ILKAP: variants seen among roughly 807,000 people sequenced by gnomAD.
ILKAP encodes the protein integrin-linked kinase-associated serine/threonine phosphatase 2C.
Under a neutral mutation model 49.1 loss-of-function variants are expected in ILKAP, and 11 were observed. That is an observed-to-expected ratio of 0.22 (90% CI 0.14 to 0.37). The LOEUF (loss-of-function observed/expected upper bound fraction) is 0.37. ILKAP is among the 10% of genes least tolerant of loss of function. The pLI is 1.00. For synonymous variants in ILKAP, 186 were observed against 192.8 expected (o/e 0.96, Z 0.29); for missense variants, 363 against 510.8 (o/e 0.71, Z 2.79).
rs1694667871 is a variant in ILKAP, at chr2:238,203,559, A to G, written c.-6T>C. 2 of 1,164,296 alleles carry G rather than the reference A, an allele frequency of 1.7e-6. No individual in the cohort carries two copies. The highest frequency in any genetic ancestry group is 2.1e-6 in the Non-Finnish European group (2 of 941,566). 72.1% of individuals were successfully genotyped at this position (1,164,296 alleles called of 1,614,324 possible). ...AGGTCCCCGAAGAGGTCCATGGCGG[A>G]GGCTGGGTGGAGGCGGCAGCAGCGA... On this transcript the variant is annotated 5_prime_UTR_variant, in exon 1 of 12. Coordinates refer to ENST00000254654, the MANE Select transcript of ILKAP (RefSeq NM_030768.3).
At chr2:238,173,230 T>C (rs980348368) in intron 10 of ILKAP, among the ~76,000 whole-genome samples, 3 of 152,114 alleles carry the variant, frequency 2.0e-5, no homozygotes, top group Admixed American at 2.0e-4. Context: ...TTACTGTGTG[T>C]TCCCTCTGCC....
rs1316401882 is a variant in ILKAP at position 238,173,772 on chromosome 2, C to T, written c.837-119G>A. ...TGAAAGATACAGACTGTGGAATTCA[C>T]ATTATTAACCACTACTGACATTTCT... On this transcript the variant is annotated intron_variant, in intron 9 of 11. Transcript: ENST00000254654. The T allele has an allele frequency of 3.5e-6, 4 of 1,147,528 alleles. No individual in the cohort carries two copies. The East Asian group carries it at 7.6e-5, about 22-fold the overall frequency. The allele number at this position is 1,147,528 out of a possible 1,614,324, so 71.1% of individuals were successfully genotyped here. A position where few individuals can be genotyped will look rare whatever the true frequency, so the allele number is the denominator to read the frequency against.
Position 238,170,458 on chromosome 2 carries a change from CAA to C in ILKAP, c.*76_*77del. ...ACCATGGGAGTCCCACAGGAGTACACAAAACACACAATGTGCACACACACAAA... is the reference window on the plus strand; with the variant it reads ...ACCATGGGAGTCCCACAGGAGTACACAACACACAATGTGCACACACACAAA... On this transcript the variant is annotated 3_prime_UTR_variant, in exon 12 of 12. Coordinates refer to ENST00000254654, the MANE Select transcript of ILKAP (RefSeq NM_030768.3). The C allele has an allele frequency of 6.8e-7, 1 of 1,471,412 alleles. No homozygotes were observed. Among genetic ancestry groups the C allele is most frequent in the Non-Finnish European group, 9.2e-7 (1 of 1,092,866 alleles). The allele number at this position is 1,471,412 out of a possible 1,614,324, so 91.1% of individuals were successfully genotyped here.
At chr2:238,184,640 G>A (rs13402906) in intron 6 of ILKAP, among the ~76,000 whole-genome samples, 13,928 of 151,822 alleles carry the variant, frequency 0.092, 1,176 homozygotes, top group African/African-American at 0.23. Flanking sequence ...GTTCACTGCA[G>A]CCTGAACCTC....
intron 6 of ILKAP, among the ~76,000 whole-genome samples, 167 bp downstream of exon 6, chr2:238,185,014 A>G (rs1319619341): frequency 6.6e-6 from 1 of 152,184 alleles, no homozygotes; most frequent in Non-Finnish European, 1.5e-5. Context: ...TCACACCTGC[A>G]TGGCCGCTAC....
chr2:238,187,511 T>C (rs573605372), intron 5 of ILKAP, among the ~76,000 whole-genome samples: 7 of 152,340 alleles, frequency 4.6e-5, no homozygotes, highest in South Asian at 4.1e-4. Flanking sequence ...CTGGTTTTTT[T>C]CCAGGCCCAA....
chr2:238,185,830 T>C (rs1414601104), intron 5 of ILKAP: 1 of 152,072 alleles, frequency 6.6e-6, no homozygotes, highest in African/African-American at 2.4e-5. Context: ...AAACACTGTG[T>C]GTGTGTAGGT....
intron 10 of ILKAP, 129 bp from the exon 11 acceptor site, chr2:238,171,153 CTTTT>C (rs1246251216): frequency 5.9e-6 from 3 of 509,188 alleles, no homozygotes; most frequent in Non-Finnish European, 1.0e-5. Flanking sequence ...TTTTTTTTTT[CTTTT>C]TTCTTTTTTT....
At position 238,194,877 on chromosome 2, in the gene ILKAP, C is replaced by T. The variant is rs551515444; in HGVS notation, c.56-7G>A. 3 of 1,610,998 alleles carry T rather than the reference C, an allele frequency of 1.9e-6. No homozygotes were observed. Among genetic ancestry groups the T allele is most frequent in the African/African-American group, 1.3e-5 (1 of 74,976 alleles). ...CCTTTCTGAGCTTCTTTCCCTAAAA[C>T]ACAGAAAACCTGTTTAGAGAGCATA... is the stretch of plus-strand genomic sequence containing the variant. On this transcript the variant is annotated splice_polypyrimidine_tract_variant and splice_region_variant and intron_variant, in intron 1 of 11. Transcript: ENST00000254654.
intron 3 of ILKAP, 39 bp downstream of exon 3, chr2:238,194,236 T>C: frequency 6.4e-7 from 1 of 1,562,244 alleles, no homozygotes; most frequent in South Asian, 1.1e-5. Flanking sequence ...ATACTATGTA[T>C]TATTTCCATC....
chr2:238,171,033 C>T lies in ILKAP; in HGVS notation c.957-9G>A. 6.2e-7 allele frequency: 1 copy of T among 1,608,064 alleles called. No homozygotes were observed. The highest frequency in any genetic ancestry group is 1.1e-5 in the South Asian group (1 of 90,532). On this transcript the variant is annotated splice_polypyrimidine_tract_variant and intron_variant, in intron 10 of 11. Transcript: ENST00000254654. ...AGGCCAACAAAATGAACCTACAACACCAGGGAGAAATATAAACGGGTTTTA... is the reference window on the plus strand; with the variant it reads ...AGGCCAACAAAATGAACCTACAACATCAGGGAGAAATATAAACGGGTTTTA...
intron 3 of ILKAP, among the ~76,000 whole-genome samples, chr2:238,191,728 C>T (rs749909226): frequency 8.6e-5 from 13 of 151,638 alleles, no homozygotes; most frequent in Admixed American, 2.6e-4. Context: ...ACCAACATGG[C>T]GAAACCCGGT....
intron 5 of ILKAP, 21 bp downstream of exon 5, chr2:238,188,110 T>A (rs1444241341): frequency 6.2e-7 from 1 of 1,612,628 alleles, no homozygotes; most frequent in Non-Finnish European, 8.5e-7. Context: ...CCAGCCGGGC[T>A]TCCTACCACA....
At chr2:238,171,607 G>C (rs921775574) in intron 10 of ILKAP, among the ~76,000 whole-genome samples, 2 of 152,138 alleles carry the variant, frequency 1.3e-5, no homozygotes, top group African/African-American at 2.4e-5. Context: ...TCAAACATTA[G>C]GTGCTGTACT....
At chr2:238,193,202 C>A (rs969861610) in intron 3 of ILKAP, among the ~76,000 whole-genome samples, 1 of 152,132 alleles carries the variant, frequency 6.6e-6, no homozygotes, top group Admixed American at 6.5e-5. Flanking sequence ...AATCCCTTAA[C>A]AGCCTTCTTT....
intron 3 of ILKAP, among the ~76,000 whole-genome samples, chr2:238,193,881 A>G (rs1464236537): frequency 1.3e-5 from 2 of 152,248 alleles, no homozygotes; most frequent in African/African-American, 4.8e-5. Context: ...TAATTAGGAC[A>G]TGAAAAGGAA....
intron 4 of ILKAP, among the ~76,000 whole-genome samples, chr2:238,188,971 C>G (rs1252000015): frequency 6.6e-6 from 1 of 152,228 alleles, no homozygotes; most frequent in Non-Finnish European, 1.5e-5. Context: ...CTGCCTGCAT[C>G]ATACAGCTTT....
At chr2:238,192,320 T>C (rs762276269) in intron 3 of ILKAP, among the ~76,000 whole-genome samples, 7 of 152,238 alleles carry the variant, frequency 4.6e-5, no homozygotes, top group South Asian at 4.1e-4. Flanking sequence ...TCTGAGAATG[T>C]AGTCTGTACA....
At position 238,184,264 on chromosome 2, in the gene ILKAP, A is replaced by AG. The variant is rs1693813634; in HGVS notation, c.533-152_533-151insC. On this transcript the variant is annotated intron_variant, in intron 6 of 11. Transcript: ENST00000254654. ...GAATGCAGTGGCGCGATCTCAGCTC[A>AG]CTGCAACCTCCGCCTCCCAGGTTCA... 7 of 595,912 alleles carry AG rather than the reference A, an allele frequency of 1.2e-5. No individual in the cohort carries two copies. In the East Asian group the frequency reaches 2.0e-4, roughly 17 times the overall value. 36.9% of individuals were successfully genotyped at this position (595,912 alleles called of 1,614,324 possible). A position where few individuals can be genotyped will look rare whatever the true frequency, so the allele number is the denominator to read the frequency against.
Sources: allele counts gnomAD v4.1 joint callset (sites outside exome capture counted in the v4.1 genomes callset), GRCh38; gene constraint gnomAD v4.1.1; transcripts MANE v1.5; gene names NCBI Gene and HGNC (gene_info 2026-07-23, HGNC 2026-07-21).